KLF17: variants seen among roughly 807,000 people sequenced by gnomAD.
KLF17 encodes the protein KLF transcription factor 17, also known as Krueppel-like factor 17.
KLF17 carries 31 observed loss-of-function variants against 34.2 expected under a neutral mutation model. That is an observed-to-expected ratio of 0.91 (90% CI 0.68 to 1.22). KLF17 has a LOEUF of 1.22. KLF17 is among the 50% of genes most tolerant of loss of function. KLF17 has a pLI of 0.00. For synonymous variants in KLF17, 179 were observed against 186.7 expected (o/e 0.96, Z 0.34); for missense variants, 478 against 505.2 (o/e 0.95, Z 0.52).
the KLF17 span, among the ~76,000 whole-genome samples, chr1:44,065,442 A>G: frequency 8.5e-6 from 1 of 117,586 alleles, no homozygotes; most frequent in East Asian, 2.4e-4. Flanking sequence ...CAGAGTCTCC[A>G]TCTGTCACCC....
At chr1:44,098,772 G>A in the KLF17 span, among the ~76,000 whole-genome samples, 7 of 151,872 alleles carry the variant, frequency 4.6e-5, no homozygotes, top group Admixed American at 4.6e-4. Context: ...AGATGGTCTT[G>A]ATCTCCTGAC....
At chr1:44,105,992 C>T in the KLF17 span, among the ~76,000 whole-genome samples, 1 of 151,942 alleles carries the variant, frequency 6.6e-6, no homozygotes, top group Non-Finnish European at 1.5e-5. Flanking sequence ...AGTGAGATCC[C>T]ATCTCAGGAA....
chr1:44,060,986 T>C, the KLF17 span: 1 of 152,250 alleles, frequency 6.6e-6, no homozygotes, highest in Non-Finnish European at 1.5e-5. Flanking sequence ...ATCCCAGCTG[T>C]ATCTGGCTAG....
At chr1:44,121,177 C>A (rs1181312277) in intron 1 of KLF17, among the ~76,000 whole-genome samples, 1 of 152,166 alleles carries the variant, frequency 6.6e-6, no homozygotes, top group African/African-American at 2.4e-5. Flanking sequence ...GGTGCAGTGG[C>A]ACCATCTCAG....
At chr1:44,084,657 G>A in the KLF17 span, among the ~76,000 whole-genome samples, 1 of 148,560 alleles carries the variant, frequency 6.7e-6, no homozygotes, top group Non-Finnish European at 1.5e-5. Context: ...TCCAGCCTGG[G>A]CAACAGAGCA....
chr1:44,106,129 C>T, the KLF17 span, among the ~76,000 whole-genome samples: 2 of 152,210 alleles, frequency 1.3e-5, no homozygotes, highest in South Asian at 4.2e-4. Flanking sequence ...AGGAAGTACA[C>T]TCATCCTATT....
intron 1 of KLF17, among the ~76,000 whole-genome samples, chr1:44,124,962 T>C (rs2154311553): frequency 6.6e-6 from 1 of 152,338 alleles, no homozygotes; most frequent in Admixed American, 6.5e-5. Context: ...GTTACTGATC[T>C]CACTAAATTA....
rs763751748 is a variant in KLF17 at position 44,129,450 on chromosome 1, A to G, written c.179A>G (p.His60Arg). 1.2e-6 allele frequency: 2 copies of G among 1,604,250 alleles called. No homozygotes were observed. Among genetic ancestry groups the G allele is most frequent in the Non-Finnish European group, 1.7e-6 (2 of 1,174,624 alleles). ...AACCAAGGCCTACCAAGCATTCAGC[A>G]CTTTCCTCACAGCGCAGAGATGCTG... ...SWNQGLPSIQHFPHSAEMLGS... is the reference protein window; with the variant it reads ...SWNQGLPSIQRFPHSAEMLGS... Residue 60 changes from histidine (H) to arginine (R), a missense_variant, in exon 2 of 4, where the codon CAC becomes CGC. Coordinates refer to ENST00000372299, the MANE Select transcript of KLF17 (RefSeq NM_173484.4).
the KLF17 span, among the ~76,000 whole-genome samples, chr1:44,080,713 ATTTT>A: frequency 3.2e-5 from 3 of 92,674 alleles, no homozygotes; most frequent in Admixed American, 1.3e-4. Context: ...ATTATATTGA[ATTTT>A]TTTTTTTTTT....
At chr1:44,046,228 T>C in the KLF17 span, 1 of 151,100 alleles carries the variant, frequency 6.6e-6, no homozygotes, top group Non-Finnish European at 1.5e-5. Flanking sequence ...TTTTTTTTTT[T>C]TTTGAGACAG....
At position 44,129,883 on chromosome 1, in the gene KLF17, G is replaced by A; in HGVS notation, c.612G>A (p.Val204=). Residue 204 remains valine (V), a synonymous_variant, in exon 2 of 4, where the codon GTG becomes GTA. Coordinates refer to ENST00000372299, the MANE Select transcript of KLF17 (RefSeq NM_173484.4). ...TGCCTTCCACTGAGGCCCAGGCAGT[G>A]CTCCCCTCCATGGCTCAGATGTTGC... ...PTVPSTEAQA[V]LPSMAQMLPP... is the part of the protein sequence containing the mutation. 1.9e-6 allele frequency: 3 copies of A among 1,614,216 alleles called. No individual in the cohort carries two copies. Among genetic ancestry groups the A allele is most frequent in the Non-Finnish European group, 2.5e-6 (3 of 1,180,044 alleles).
the KLF17 span, among the ~76,000 whole-genome samples, chr1:44,049,778 C>T: frequency 2.6e-5 from 4 of 152,188 alleles, no homozygotes; most frequent in African/African-American, 4.8e-5. Flanking sequence ...CCGCCGTACC[C>T]GGCCTATGTA....
At chr1:44,064,211 G>A in the KLF17 span, among the ~76,000 whole-genome samples, 4 of 152,158 alleles carry the variant, frequency 2.6e-5, no homozygotes, top group African/African-American at 9.7e-5. Context: ...TTATTGTTAT[G>A]TATATGTAAT....
chr1:44,101,402 G>A, the KLF17 span, among the ~76,000 whole-genome samples: 3 of 150,596 alleles, frequency 2.0e-5, no homozygotes, highest in African/African-American at 7.3e-5. Context: ...TATGTGTCAC[G>A]TCTTCTTTAT....
Position 44,128,702 on chromosome 1 carries a change from T to A in KLF17, c.82-651T>A, listed in dbSNP as rs1207867920. Among the ~76,000 whole-genome samples, 3 of 152,184 alleles carry A rather than the reference T, an allele frequency of 2.0e-5. No individual in the cohort carries two copies. The East Asian group carries it at 5.8e-4, about 29-fold the overall frequency. On this transcript the variant is annotated intron_variant, in intron 1 of 3. Transcript: ENST00000372299. Reference sequence around the variant, plus strand: ...CTGCTGGTTTGGGATGTTCTTTCACTTTCACACTTATGTATAATTTGGAGT... The same window carrying A: ...CTGCTGGTTTGGGATGTTCTTTCACATTCACACTTATGTATAATTTGGAGT...
At chr1:44,127,206 G>T (rs1034145629) in intron 1 of KLF17, among the ~76,000 whole-genome samples, 1 of 152,018 alleles carries the variant, frequency 6.6e-6, no homozygotes, top group Non-Finnish European at 1.5e-5. Context: ...ACTGTGCCTA[G>T]CAATACTAAC....
chr1:44,077,573 C>T, the KLF17 span, among the ~76,000 whole-genome samples: 5 of 152,136 alleles, frequency 3.3e-5, no homozygotes, highest in African/African-American at 1.2e-4. Context: ...GGAAGTGACT[C>T]AGTGGCTGAG....
At chr1:44,127,047 C>T (rs1024225451) in intron 1 of KLF17, among the ~76,000 whole-genome samples, 3 of 149,666 alleles carry the variant, frequency 2.0e-5, no homozygotes, top group Admixed American at 2.0e-4. Context: ...CAGGCGCATG[C>T]TACCATGCCT....
the KLF17 span, among the ~76,000 whole-genome samples, chr1:44,067,593 GCATAAAT>G: frequency 6.6e-6 from 1 of 152,350 alleles, no homozygotes; most frequent in East Asian, 1.9e-4. Context: ...GAGCACTGGA[GCATAAAT>G]TATACCACAG....
Sources: gnomAD v4.1 joint callset for allele counts (sites outside exome capture counted in the v4.1 genomes callset) on GRCh38, gnomAD v4.1.1 for gene constraint, MANE v1.5 for transcripts, NCBI Gene and HGNC (gene_info 2026-07-23, HGNC 2026-07-21) for gene names.